TLN2: variants seen among roughly 807,000 people sequenced by gnomAD.
The protein encoded by TLN2 is talin-2.
A neutral mutation model predicts 294.7 loss-of-function variants in TLN2; 118 were observed. The observed-to-expected ratio is 0.40, with a 90% CI of 0.34 to 0.47. The LOEUF is 0.47. TLN2 is among the 20% of genes least tolerant of loss of function. The pLI, the probability that TLN2 is intolerant of heterozygous loss-of-function variation, is 0.84. For missense variants in TLN2, 3,083 were observed against 3,282.2 expected (o/e 0.94, Z 1.48); for synonymous variants, 1,431 against 1,304.5 (o/e 1.10, Z -2.09).
At position 62,526,454 on chromosome 15, in the gene TLN2, C is replaced by T. The variant is rs575336990; in HGVS notation, c.-237-63233C>T. Among the ~76,000 whole-genome samples the T allele has an allele frequency of 8.5e-5, 13 of 152,240 alleles. No individual in the cohort carries two copies. The South Asian group carries it at 1.0e-3, about 12-fold the overall frequency. On this transcript the variant is annotated intron_variant, in intron 1 of 58. Transcript: ENST00000636159. ...TTGTGCACTCTGACTCAATGATATG[C>T]GTCGCTGGAACTTCGCTTCCGCATC...
Position 62,792,702 on chromosome 15 carries a change from A to G in TLN2, c.5798A>G (p.Gln1933Arg). The G allele has an allele frequency of 6.2e-7, 1 of 1,614,068 alleles. No homozygotes were observed. The highest frequency in any genetic ancestry group is 8.5e-7 in the Non-Finnish European group (1 of 1,180,056). The change falls in exon 46 of 59, where the codon CAG (glutamine) becomes CGG (arginine). Residue 1933 changes from glutamine (Q) to arginine (R), a missense_variant. Physicochemically the swap from Gln to Arg is conservative, Grantham distance 43 (BLOSUM62 1). Transcript: ENST00000636159. ...GGCCACGGCTGTATCTTCCTGGTGC[A>G]GAAGGCAGGGGCCCTCCAGGTCTGC... Reference protein sequence around the residue: ...DLGHGCIFLVQKAGALQVCPT... With the variant: ...DLGHGCIFLVRKAGALQVCPT...
chr15:62,575,353 C>G (rs2140661998), intron 1 of TLN2, among the ~76,000 whole-genome samples: 1 of 152,098 alleles, frequency 6.6e-6, no homozygotes, highest in Admixed American at 6.5e-5. Flanking sequence ...TATTTTCAGG[C>G]TGATAAACTT....
At chr15:62,563,203 T>C (rs567911546) in intron 1 of TLN2, among the ~76,000 whole-genome samples, 2 of 152,266 alleles carry the variant, frequency 1.3e-5, no homozygotes, top group East Asian at 1.9e-4. Context: ...CTAGTTTACA[T>C]TCCCACCAGC....
rs574019125 is a variant in TLN2 at position 62,633,918 on chromosome 15, T to A, written c.-36-13357T>A. Among the ~76,000 whole-genome samples the A allele has an allele frequency of 9.9e-4, 151 of 152,314 alleles. No homozygotes were observed. In the South Asian group the frequency reaches 0.017, roughly 17 times the overall value. ...GTGAGGGAAGGATCTGTTTCAGGCC[T>A]CTCTTGTGGCTTTTAGATTGCCATC... On this transcript the variant is annotated intron_variant, in intron 3 of 58. Transcript: ENST00000636159.
chr15:62,467,171 C>T (rs558623323), intron 1 of TLN2, among the ~76,000 whole-genome samples: 2 of 152,294 alleles, frequency 1.3e-5, no homozygotes, highest in East Asian at 3.9e-4. Flanking sequence ...TACCAGGAGG[C>T]CGGAGTCCTG....
chr15:62,767,832 T>C (rs2063110311), intron 41 of TLN2, among the ~76,000 whole-genome samples: 2 of 152,230 alleles, frequency 1.3e-5, no homozygotes, highest in Admixed American at 6.5e-5. Context: ...TCCAGAACTT[T>C]TGTAATAGAA....
chr15:62,676,756 A>G (rs1432970994), intron 11 of TLN2, among the ~76,000 whole-genome samples: 1 of 152,166 alleles, frequency 6.6e-6, no homozygotes, highest in Non-Finnish European at 1.5e-5. Context: ...CTGGGACTAC[A>G]GGCGCATGCT....
chr15:62,434,975 CCAT>C (rs1331010003), intron 1 of TLN2, among the ~76,000 whole-genome samples: 1 of 152,140 alleles, frequency 6.6e-6, no homozygotes, highest in Non-Finnish European at 1.5e-5. Context: ...CCATGTGTTC[CCAT>C]CATTCAGCTC....
intron 1 of TLN2, among the ~76,000 whole-genome samples, chr15:62,422,339 G>A (rs932396057): frequency 7.9e-5 from 12 of 151,860 alleles, no homozygotes; most frequent in Middle Eastern, 3.4e-3. Flanking sequence ...TGCAGATGTC[G>A]TGGATGGAGA....
At position 62,717,282 on chromosome 15, in the gene TLN2, G is replaced by A. The variant is rs2059839406; in HGVS notation, c.2764-294G>A. 2.0e-5 allele frequency among the ~76,000 whole-genome samples: 3 copies of A among 152,100 alleles called. No homozygotes were observed. In the South Asian group the frequency reaches 6.2e-4, roughly 32 times the overall value. On this transcript the variant is annotated intron_variant, in intron 23 of 58. Transcript: ENST00000636159. Reference sequence around the variant, plus strand: ...CACACATTTAGACTTGGTGCAGCTTGTCAGTGTCATTATGATCTTGGAATC... The same window carrying A: ...CACACATTTAGACTTGGTGCAGCTTATCAGTGTCATTATGATCTTGGAATC...
intron 1 of TLN2, among the ~76,000 whole-genome samples, chr15:62,462,709 C>T (rs527543078): frequency 2.2e-4 from 33 of 152,282 alleles, no homozygotes; most frequent in African/African-American, 7.2e-4. Flanking sequence ...TGGCTCTTGC[C>T]AGCTGGGCTC....
At chr15:62,772,714 G>C (rs779820848) in intron 42 of TLN2, among the ~76,000 whole-genome samples, 7 of 151,744 alleles carry the variant, frequency 4.6e-5, no homozygotes, top group Non-Finnish European at 8.8e-5. Context: ...CCAGCCTGGA[G>C]TGCAATGGCG....
At chr15:62,755,320 T>G (rs2062176614) in intron 36 of TLN2, 1 of 560,300 alleles carries the variant, frequency 1.8e-6, no homozygotes, top group Admixed American at 3.6e-5. Flanking sequence ...TGTCAGCACC[T>G]CCTTTTTTCT....
chr15:62,506,079 C>T (rs923593487), intron 1 of TLN2, among the ~76,000 whole-genome samples: 32 of 152,292 alleles, frequency 2.1e-4, no homozygotes, highest in African/African-American at 7.0e-4. Flanking sequence ...AGATCTGGCC[C>T]GAATGGAGCC....
intron 2 of TLN2, among the ~76,000 whole-genome samples, chr15:62,594,027 C>G (rs1229958682): frequency 2.0e-5 from 3 of 152,086 alleles, no homozygotes; most frequent in Non-Finnish European, 4.4e-5. Context: ...ATAGCCAAAG[C>G]AATCTAGAGC....
Position 62,707,134 on chromosome 15 carries a change from T to C in TLN2, c.2053T>C (p.Leu685=). 1.2e-6 allele frequency: 2 copies of C among 1,614,208 alleles called. No individual in the cohort carries two copies. The highest frequency in any genetic ancestry group is 1.7e-6 in the Non-Finnish European group (2 of 1,180,024). ...AGCTGTTGCCAATGCAGCTGCCATG[T>C]TGGTACTAAAGGCAAAGAATGTTGC... The part of the protein sequence containing the change: ...AKAVANAAAM[L]VLKAKNVAQV... Residue 685 remains leucine, a synonymous_variant, in exon 20 of 59, where the codon TTG becomes CTG. Transcript: ENST00000636159.
chr15:62,479,800 A>T (rs1392463451), intron 1 of TLN2, among the ~76,000 whole-genome samples: 1 of 152,168 alleles, frequency 6.6e-6, no homozygotes, highest in Non-Finnish European at 1.5e-5. Flanking sequence ...TTGTCTTTAG[A>T]CAGTGAGCCC....
At chr15:62,562,225 A>AT (rs1160980141) in intron 1 of TLN2, among the ~76,000 whole-genome samples, 1 of 152,108 alleles carries the variant, frequency 6.6e-6, no homozygotes, top group Non-Finnish European at 1.5e-5. Context: ...AGTATTAAAG[A>AT]TTTTTTATAC....
chr15:62,505,891 A>G (rs1018134820), intron 1 of TLN2, among the ~76,000 whole-genome samples: 3 of 152,200 alleles, frequency 2.0e-5, no homozygotes, highest in Non-Finnish European at 4.4e-5. Flanking sequence ...AACTTACATT[A>G]GCCAAATGTC....
Sources: gnomAD v4.1 joint callset for allele counts (sites outside exome capture counted in the v4.1 genomes callset) on GRCh38, gnomAD v4.1.1 for gene constraint, MANE v1.5 for transcripts, NCBI Gene and HGNC (gene_info 2026-07-23, HGNC 2026-07-21) for gene names.